Variants in CTNNA2 observed in about 807,000 individuals in gnomAD.
The protein encoded by CTNNA2 is catenin alpha 2.
CTNNA2 carries 42 observed loss-of-function variants against 101.0 expected under a neutral mutation model. The observed-to-expected ratio is 0.42, with a 90% confidence interval of 0.32 to 0.54. The LOEUF (loss-of-function observed/expected upper bound fraction) is 0.54. Among genes scored for constraint, CTNNA2 ranks in the 20% least tolerant of loss-of-function variants. CTNNA2 has a pLI of 0.14. For missense variants in CTNNA2, 871 were observed against 1,223.1 expected (o/e 0.71, Z 4.29); for synonymous variants, 450 against 456.4 (o/e 0.99, Z 0.18).
chr2:79,523,508 G>C (rs1672232606), intron 1 of CTNNA2, among the ~76,000 whole-genome samples: 1 of 151,824 alleles, frequency 6.6e-6, no homozygotes, highest in Admixed American at 6.6e-5. Context: ...TTATTTCCAT[G>C]TACATTCAGT....
intron 2 of CTNNA2, among the ~76,000 whole-genome samples, chr2:79,669,517 T>C (rs1682675711): frequency 6.6e-6 from 1 of 152,142 alleles, no homozygotes; most frequent in African/African-American, 2.4e-5. Context: ...TATTTAGTGT[T>C]AGACGAGCTC....
chr2:80,299,887 G>T (rs73938270), intron 7 of CTNNA2, among the ~76,000 whole-genome samples: 1 of 152,248 alleles, frequency 6.6e-6, no homozygotes, highest in East Asian at 1.9e-4. Flanking sequence ...AGCTTTGGGC[G>T]CTGGATTCCT....
intron 12 of CTNNA2, among the ~76,000 whole-genome samples, chr2:80,561,199 T>G (rs56092618): frequency 0.011 from 1,726 of 152,190 alleles, 34 homozygotes; most frequent in African/African-American, 0.036. Context: ...GGCAGCTTAT[T>G]GGGAAGACAA....
At chr2:79,267,951 T>C (rs111319819) in intron 2 of CTNNA2, among the ~76,000 whole-genome samples, 18 of 152,166 alleles carry the variant, frequency 1.2e-4, no homozygotes, top group African/African-American at 4.1e-4. Flanking sequence ...AAAAGGTTCA[T>C]AGAGGTGAGC....
In CTNNA2 at chr2:80,269,542, A is replaced by C. The variant is rs140275979; in HGVS notation, c.1057-123669A>C. 6.4e-4 allele frequency among the ~76,000 whole-genome samples: 97 copies of C among 152,312 alleles called. No homozygotes were observed. The East Asian group carries it at 0.016, about 25-fold the overall frequency. ...ATTCATCGGTGCTCTTGCAATTTAG[A>C]TATTCCTGAAGAAAGTGTTAGTATT... On this transcript the variant is annotated intron_variant, in intron 7 of 18. Coordinates refer to ENST00000402739, the MANE Select transcript of CTNNA2 (RefSeq NM_001282597.3).
chr2:80,329,720 G>A (rs1425399122), intron 7 of CTNNA2, among the ~76,000 whole-genome samples: 1 of 152,162 alleles, frequency 6.6e-6, no homozygotes, highest in Non-Finnish European at 1.5e-5. Flanking sequence ...CCTTTGATGT[G>A]GTGACTTCAA....
intron 7 of CTNNA2, among the ~76,000 whole-genome samples, chr2:80,286,235 TCCG>T (rs1674757205): frequency 6.6e-6 from 1 of 152,116 alleles, no homozygotes; most frequent in Non-Finnish European, 1.5e-5. Context: ...TAAGGAGCCC[TCCG>T]TACCCATTCC....
chr2:79,414,471 A>C (rs1418210177), intron 4 of CTNNA2, among the ~76,000 whole-genome samples: 1 of 152,074 alleles, frequency 6.6e-6, no homozygotes, highest in East Asian at 1.9e-4. Flanking sequence ...TATATACTAT[A>C]TCCCCCATAA....
intron 9 of CTNNA2, among the ~76,000 whole-genome samples, chr2:80,423,974 G>C (rs1254418511): frequency 6.7e-6 from 1 of 149,204 alleles, no homozygotes. Context: ...TTTTTTTTTT[G>C]AGATGGAGTC....
chr2:79,668,246 CAAAAAAAAAAAAAA>C (rs34348942), intron 2 of CTNNA2, among the ~76,000 whole-genome samples: 4 of 69,308 alleles, frequency 5.8e-5, no homozygotes, highest in Admixed American at 4.0e-4. Flanking sequence ...GACTCCGTCT[CAAAAAAAAAAAAAA>C]AAAAAAAAAA....
intron 3 of CTNNA2, among the ~76,000 whole-genome samples, chr2:79,764,854 G>A (rs1673030792): frequency 6.6e-6 from 1 of 152,160 alleles, no homozygotes; most frequent in Non-Finnish European, 1.5e-5. Context: ...GTCTGTCTTA[G>A]GTAAAGAGAC....
chr2:79,585,038 G>T (rs1015436357), intron 1 of CTNNA2, among the ~76,000 whole-genome samples: 1 of 152,028 alleles, frequency 6.6e-6, no homozygotes, highest in Non-Finnish European at 1.5e-5. Flanking sequence ...TCTTCCACTG[G>T]TGTTCAAATA....
At chr2:79,462,182 G>A (rs1193419344) in intron 4 of CTNNA2, among the ~76,000 whole-genome samples, 1 of 152,140 alleles carries the variant, frequency 6.6e-6, no homozygotes, top group Non-Finnish European at 1.5e-5. Flanking sequence ...TAAGACTTAT[G>A]ATTGATGAAT....
At chr2:79,657,717 G>A (rs1681716416) in intron 2 of CTNNA2, among the ~76,000 whole-genome samples, 1 of 151,460 alleles carries the variant, frequency 6.6e-6, no homozygotes. Flanking sequence ...GCACCCAGCA[G>A]TATATGAAAA....
At chr2:80,490,288 C>CCA (rs10653213) in intron 9 of CTNNA2, among the ~76,000 whole-genome samples, 2 of 97,878 alleles carry the variant, frequency 2.0e-5, no homozygotes, top group African/African-American at 9.0e-5. Context: ...CCACCCCCCC[C>CCA]CCGGTAAAGC....
chr2:79,698,638 T>G (rs931550805), intron 2 of CTNNA2, among the ~76,000 whole-genome samples: 1 of 152,046 alleles, frequency 6.6e-6, no homozygotes, highest in African/African-American at 2.4e-5. Context: ...TGAAAATTGT[T>G]TGCTAGTTCA....
intron 18 of CTNNA2, among the ~76,000 whole-genome samples, chr2:80,628,081 G>GA (rs1225459338): frequency 3.3e-5 from 5 of 152,056 alleles, no homozygotes; most frequent in African/African-American, 4.8e-5. Flanking sequence ...TCTTCAAGGA[G>GA]AACTACAAAC....
intron 3 of CTNNA2, among the ~76,000 whole-genome samples, chr2:79,371,392 A>T (rs547857322): frequency 2.6e-4 from 39 of 152,176 alleles, no homozygotes; most frequent in African/African-American, 9.1e-4. Flanking sequence ...AGCTATCAGC[A>T]GCAGCAGACA....
intron 9 of CTNNA2, among the ~76,000 whole-genome samples, chr2:80,475,367 G>C (rs1448616284): frequency 6.6e-6 from 1 of 152,084 alleles, no homozygotes; most frequent in Non-Finnish European, 1.5e-5. Flanking sequence ...AATAACTGCT[G>C]ATTTAACAAA....
Sources: allele counts gnomAD v4.1 joint callset (sites outside exome capture counted in the v4.1 genomes callset), GRCh38; gene constraint gnomAD v4.1.1; transcripts MANE v1.5; gene names NCBI Gene and HGNC (gene_info 2026-07-23, HGNC 2026-07-21).